Variants in GTPBP10 observed in about 807,000 individuals in gnomAD.
GTPBP10 encodes the protein GTP-binding protein 10.
Under a neutral mutation model 44.8 loss-of-function variants are expected in GTPBP10, and 38 were observed. The observed-to-expected ratio is 0.85, with a 90% CI of 0.65 to 1.11. The LOEUF is 1.11. Among genes scored for constraint, GTPBP10 ranks in the 50% most tolerant of loss-of-function variants. The pLI is 0.00. For synonymous variants in GTPBP10, 152 were observed against 150.6 expected (o/e 1.01, Z -0.07); for missense variants, 462 against 453.7 (o/e 1.02, Z -0.17).
At chr7:90,370,930 C>G (rs111684422) in intron 4 of GTPBP10, among the ~76,000 whole-genome samples, 1 of 151,606 alleles carries the variant, frequency 6.6e-6, no homozygotes, top group African/African-American at 2.4e-5. Context: ...TGGCGTGAAC[C>G]GGGAGGTGGA....
Position 90,386,065 on chromosome 7 carries a change from A to T in GTPBP10, c.*911A>T, listed in dbSNP as rs1258008410. ...GACAGAGCTAGACTCCATCTCAAAA[A>T]AAAAAAAGAGCTAAAAAATTACATT... On this transcript the variant is annotated 3_prime_UTR_variant, in exon 10 of 10. Coordinates refer to ENST00000222511, the MANE Select transcript of GTPBP10 (RefSeq NM_033107.4). 6.6e-6 allele frequency: 1 copy of T among 152,124 alleles called. No individual in the cohort carries two copies. Among genetic ancestry groups the T allele is most frequent in the Non-Finnish European group, 1.5e-5 (1 of 68,000 alleles). 9.4% of individuals were successfully genotyped at this position (152,124 alleles called of 1,614,324 possible). A position where few individuals can be genotyped will look rare whatever the true frequency, so the allele number is the denominator to read the frequency against.
rs1383877495 is a variant in GTPBP10 at position 90,389,030 on chromosome 7, G to T, written c.*3876G>T. The T allele has an allele frequency of 3.9e-5, 6 of 152,116 alleles. No individual in the cohort carries two copies. 9.4% of individuals were successfully genotyped at this position (152,116 alleles called of 1,614,324 possible). On this transcript the variant is annotated 3_prime_UTR_variant, in exon 10 of 10. Coordinates refer to ENST00000222511, the MANE Select transcript of GTPBP10 (RefSeq NM_033107.4). ...GTGTAAACCTACACAAAAGATAAAA[G>T]ATATCTTATTGCAAAAATAGGGCAA...
rs1796530258 is a variant in GTPBP10, at chr7:90,386,655, G to A, written c.*1501G>A. ...CTTGAGCCCAGGAGTTCATGCCTGAGCAACATAGCAAGACCCTGGCTCTCT... is the reference window on the plus strand; with the variant it reads ...CTTGAGCCCAGGAGTTCATGCCTGAACAACATAGCAAGACCCTGGCTCTCT... On this transcript the variant is annotated 3_prime_UTR_variant, in exon 10 of 10. Transcript: ENST00000222511. 1 of 152,136 alleles carries A rather than the reference G, an allele frequency of 6.6e-6. No individual in the cohort carries two copies. The highest frequency in any genetic ancestry group is 6.5e-5 in the Admixed American group (1 of 15,274). The allele number at this position is 152,136 out of a possible 1,614,324, so 9.4% of individuals were successfully genotyped here.
At chr7:90,362,717 A>G (rs932480891) in intron 4 of GTPBP10, among the ~76,000 whole-genome samples, 4 of 152,240 alleles carry the variant, frequency 2.6e-5, no homozygotes, top group African/African-American at 9.6e-5. Flanking sequence ...TGATCTGTCT[A>G]ATGTTGACAG....
Position 90,391,323 on chromosome 7 carries a change from A to G in GTPBP10, c.*6169A>G, listed in dbSNP as rs1383314561. ...TGCTTAAAACCTTGGATAGTACCAA[A>G]CCCTATATATATTATGTTTTTTTCT... On this transcript the variant is annotated 3_prime_UTR_variant, in exon 10 of 10. Transcript: ENST00000222511. The G allele has an allele frequency of 6.6e-6, 1 of 152,102 alleles. No homozygotes were observed. Among genetic ancestry groups the G allele is most frequent in the East Asian group, 1.9e-4 (1 of 5,186 alleles). The allele number at this position is 152,102 out of a possible 1,614,324, so 9.4% of individuals were successfully genotyped here.
chr7:90,346,920 G>C, intron 1 of GTPBP10, 146 bp downstream of exon 1: 2 of 863,868 alleles, frequency 2.3e-6, no homozygotes, highest in South Asian at 3.0e-5. Flanking sequence ...CTGTAGTGGC[G>C]CTTTGTCAGT....
At chr7:90,365,175 A>T (rs1178871786) in intron 4 of GTPBP10, among the ~76,000 whole-genome samples, 1 of 152,088 alleles carries the variant, frequency 6.6e-6, no homozygotes, top group African/African-American at 2.4e-5. Flanking sequence ...AGATGAACCC[A>T]GTACCTCAGT....
chr7:90,355,576 A>C (rs1010826665), intron 4 of GTPBP10, among the ~76,000 whole-genome samples: 4 of 152,226 alleles, frequency 2.6e-5, no homozygotes, highest in Non-Finnish European at 5.9e-5. Flanking sequence ...TATTATTATT[A>C]AAAATATATA....
intron 4 of GTPBP10, among the ~76,000 whole-genome samples, chr7:90,361,186 G>T (rs564387164): frequency 6.6e-6 from 1 of 152,124 alleles, no homozygotes; most frequent in African/African-American, 2.4e-5. Context: ...TAGAAGTGGC[G>T]AGAGAGGGCA....
intron 1 of GTPBP10, among the ~76,000 whole-genome samples, chr7:90,347,294 C>T (rs959794455): frequency 6.6e-6 from 1 of 152,022 alleles, no homozygotes; most frequent in African/African-American, 2.4e-5. Context: ...AAATCTTATC[C>T]TATCAGTAAT....
intron 1 of GTPBP10, among the ~76,000 whole-genome samples, chr7:90,352,469 A>G (rs1562953095): frequency 2.0e-5 from 3 of 152,274 alleles, no homozygotes; most frequent in Non-Finnish European, 4.4e-5. Flanking sequence ...TGTCTGACAG[A>G]TTGGACATAG....
At chr7:90,346,901 C>T in intron 1 of GTPBP10, 127 bp downstream of exon 1, 1 of 1,009,172 alleles carries the variant, frequency 9.9e-7, no homozygotes, top group Non-Finnish European at 1.6e-6. Context: ...ATAGACTTCT[C>T]CGCCCCTCCT....
At chr7:90,382,469 G>A (rs1007629555) in intron 8 of GTPBP10, among the ~76,000 whole-genome samples, 4 of 152,188 alleles carry the variant, frequency 2.6e-5, no homozygotes, top group African/African-American at 9.6e-5. Flanking sequence ...TGTCATGTAG[G>A]CTAGAGTGCA....
At chr7:90,362,825 T>C (rs174070) in intron 4 of GTPBP10, among the ~76,000 whole-genome samples, 137,319 of 152,260 alleles carry the variant, frequency 0.9, 62,200 homozygotes, top group East Asian at 1. Context: ...TCCTGTATTG[T>C]GTGCATATGT....
At chr7:90,367,869 A>G (rs1796167237) in intron 4 of GTPBP10, among the ~76,000 whole-genome samples, 1 of 152,172 alleles carries the variant, frequency 6.6e-6, no homozygotes. Flanking sequence ...CAGTTTCTTC[A>G]TAGCGTCAAT....
At position 90,358,457 on chromosome 7, in the gene GTPBP10, TAAAAC is replaced by T. The variant is rs370764892; in HGVS notation, c.464+3228_464+3232del. Among the ~76,000 whole-genome samples, 65 of 151,912 alleles carry T rather than the reference TAAAAC, an allele frequency of 4.3e-4. 1 individual carries two copies. The highest frequency in any genetic ancestry group is 1.5e-3 in the African/African-American group (62 of 41,430). On this transcript the variant is annotated intron_variant, in intron 4 of 9. Transcript: ENST00000222511. ...TGGAACAGAATAGAGAACCCAGAAA[TAAAAC>T]CAAATACTTAAGACCAACTGATCGT...
At chr7:90,384,437 G>C (rs1796486911) in intron 9 of GTPBP10, among the ~76,000 whole-genome samples, 1 of 152,124 alleles carries the variant, frequency 6.6e-6, no homozygotes, top group African/African-American at 2.4e-5. Flanking sequence ...TTCAGTTTTT[G>C]TATGGATCCT....
chr7:90,347,732 G>A (rs1349883604), intron 1 of GTPBP10: 1 of 152,572 alleles, frequency 6.6e-6, no homozygotes, highest in Non-Finnish European at 1.5e-5. Flanking sequence ...CAAATTGCTG[G>A]GAGAGCCAGC....
intron 1 of GTPBP10, among the ~76,000 whole-genome samples, chr7:90,348,161 A>G (rs556567394): frequency 5.6e-4 from 86 of 152,328 alleles, no homozygotes; most frequent in African/African-American, 1.9e-3. Context: ...CAGCAATGAT[A>G]GTGCTATGAT....
Sources: gnomAD v4.1 joint callset for allele counts (sites outside exome capture counted in the v4.1 genomes callset) on GRCh38, gnomAD v4.1.1 for gene constraint, MANE v1.5 for transcripts, NCBI Gene and HGNC (gene_info 2026-07-23, HGNC 2026-07-21) for gene names.